DCDC1: variants seen among roughly 807,000 people sequenced by gnomAD.
DCDC1 encodes doublecortin domain-containing protein 1.
In DCDC1, 200 loss-of-function variants were observed where a neutral mutation model predicts 178.3. The ratio of observed to expected loss-of-function variants is 1.12; its 90% CI spans 1.00 to 1.26. The LOEUF (loss-of-function observed/expected upper bound fraction) is 1.26. DCDC1 is among the 50% of genes most tolerant of loss of function. The pLI is 0.00. For missense variants in DCDC1, 1,983 were observed against 1,749.2 expected (o/e 1.13, Z -2.38); for synonymous variants, 690 against 604.8 (o/e 1.14, Z -2.07).
chr11:31,339,710 A>G (rs1950449110), intron 1 of DCDC1, among the ~76,000 whole-genome samples: 1 of 152,250 alleles, frequency 6.6e-6, no homozygotes, highest in South Asian at 2.1e-4. Flanking sequence ...AGATGCCAAG[A>G]ACACATTTGT....
chr11:30,939,732 A>G (rs1480120177), intron 21 of DCDC1, among the ~76,000 whole-genome samples: 1 of 152,140 alleles, frequency 6.6e-6, no homozygotes, highest in Non-Finnish European at 1.5e-5. Context: ...TAGGTACATG[A>G]GCTGAGCAGT....
At chr11:30,993,607 T>A (rs1290466222) in intron 20 of DCDC1, among the ~76,000 whole-genome samples, 1 of 151,870 alleles carries the variant, frequency 6.6e-6, no homozygotes, top group African/African-American at 2.4e-5. Context: ...ATAACTGATA[T>A]CAGAAATGAA....
intron 20 of DCDC1, among the ~76,000 whole-genome samples, chr11:30,987,574 G>T (rs1950725916): frequency 6.6e-6 from 1 of 152,040 alleles, no homozygotes; most frequent in African/African-American, 2.4e-5. Context: ...GGAGTCATCA[G>T]GAAAAACCTC....
intron 34 of DCDC1, among the ~76,000 whole-genome samples, chr11:30,898,906 T>A (rs971466328): frequency 6.6e-6 from 1 of 152,136 alleles, no homozygotes; most frequent in Non-Finnish European, 1.5e-5. Flanking sequence ...GTACATTGTT[T>A]CTCCCCAAAG....
intron 7 of DCDC1, among the ~76,000 whole-genome samples, chr11:31,280,354 T>C (rs1946336925): frequency 6.6e-6 from 1 of 152,246 alleles, no homozygotes; most frequent in Non-Finnish European, 1.5e-5. Flanking sequence ...ATAAAACCAA[T>C]CACCAGTAAG....
At chr11:31,300,015 G>A (rs545234981) in intron 6 of DCDC1, among the ~76,000 whole-genome samples, 111 of 152,142 alleles carry the variant, frequency 7.3e-4, no homozygotes, top group Non-Finnish European at 1.3e-3. Context: ...GCGCCACCAT[G>A]CCCAGCTAAT....
At position 30,904,956 on chromosome 11, in the gene DCDC1, C is replaced by T. The variant is rs1448435412; in HGVS notation, c.4308+5G>A. ...GCAAGCAGCATTTAAGTGATAGCCA[C>T]TTACCATGGGGAATGTTCCAGCCAC... On this transcript the variant is annotated splice_donor_5th_base_variant and intron_variant, in intron 31 of 38. Coordinates refer to ENST00000684477, the MANE Select transcript of DCDC1 (RefSeq NM_001387274.1). 4 of 1,613,702 alleles carry T rather than the reference C, an allele frequency of 2.5e-6. No individual in the cohort carries two copies. Among genetic ancestry groups the T allele is most frequent in the African/African-American group, 1.3e-5 (1 of 75,028 alleles).
At chr11:30,894,811 G>A (rs1426455800) in intron 34 of DCDC1, among the ~76,000 whole-genome samples, 2 of 152,112 alleles carry the variant, frequency 1.3e-5, no homozygotes, top group Non-Finnish European at 2.9e-5. Flanking sequence ...TGGGGATTAA[G>A]TATTTCTAAA....
At chr11:31,077,340 C>T (rs1956926448) in intron 18 of DCDC1, among the ~76,000 whole-genome samples, 1 of 152,120 alleles carries the variant, frequency 6.6e-6, no homozygotes, top group African/African-American at 2.4e-5. Flanking sequence ...TATAGTATTC[C>T]AATGAATACA....
chr11:31,253,993 T>G (rs1340328069), intron 8 of DCDC1, among the ~76,000 whole-genome samples: 1 of 152,156 alleles, frequency 6.6e-6, no homozygotes, highest in South Asian at 2.1e-4. Context: ...CATATGCAAG[T>G]GTAGCTGCAG....
chr11:30,975,638 C>G (rs1460921461), intron 20 of DCDC1, among the ~76,000 whole-genome samples: 1 of 151,714 alleles, frequency 6.6e-6, no homozygotes, highest in Non-Finnish European at 1.5e-5. Flanking sequence ...AATAAAATAC[C>G]TAGCAATAGA....
intron 9 of DCDC1, among the ~76,000 whole-genome samples, chr11:31,206,995 A>G (rs1297844612): frequency 6.6e-6 from 1 of 152,230 alleles, no homozygotes; most frequent in Non-Finnish European, 1.5e-5. Flanking sequence ...AGTTTTGTCT[A>G]TCACTAAAAA....
At chr11:30,981,810 C>G (rs752394183) in intron 20 of DCDC1, among the ~76,000 whole-genome samples, 7 of 151,958 alleles carry the variant, frequency 4.6e-5, no homozygotes, top group Non-Finnish European at 5.9e-5. Context: ...AAGAAAGAAC[C>G]TAATATCCAT....
intron 22 of DCDC1, 25 bp downstream of exon 22, chr11:30,931,746 A>G (rs951598078): frequency 1.9e-6 from 3 of 1,589,226 alleles, no homozygotes; most frequent in African/African-American, 2.7e-5. Flanking sequence ...AGTGTATTTA[A>G]TAAGTATGAA....
rs1957820874 is a variant in DCDC1 at position 31,091,501 on chromosome 11, A to T, written c.2129T>A (p.Ile710Asn). 1 of 752,372 alleles carries T rather than the reference A, an allele frequency of 1.3e-6. No homozygotes were observed. 46.6% of individuals were successfully genotyped at this position (752,372 alleles called of 1,614,324 possible). A position where few individuals can be genotyped will look rare whatever the true frequency, so the allele number is the denominator to read the frequency against. ...SVWLITKTGM[I>N]LSRAITQGCL... ...GCCCTGAGTTATCGCTCGGCTCAGG[A>T]TCATTCCAGTCTTCCAATGAATAGA... Residue 710 changes from isoleucine to asparagine, a missense_variant, in exon 17 of 39, where the codon ATC (isoleucine) becomes AAC (asparagine). By Grantham distance (149) the Ile-to-Asn change is moderately radical (BLOSUM62 -3). Coordinates refer to ENST00000684477, the MANE Select transcript of DCDC1 (RefSeq NM_001387274.1).
At chr11:30,917,557 AT>A (rs1204126300) in intron 25 of DCDC1, among the ~76,000 whole-genome samples, 4 of 152,220 alleles carry the variant, frequency 2.6e-5, no homozygotes, top group Non-Finnish European at 5.9e-5. Flanking sequence ...ATAGAGAATA[AT>A]ATACTAAACA....
rs1240753339 is a variant in DCDC1 at position 31,106,921 on chromosome 11, T to C, written c.1627A>G (p.Ile543Val). 1.3e-6 allele frequency: 1 copy of C among 766,034 alleles called. No individual in the cohort carries two copies. Among genetic ancestry groups the C allele is most frequent in the Non-Finnish European group, 2.4e-6 (1 of 417,778 alleles). 47.5% of individuals were successfully genotyped at this position (766,034 alleles called of 1,614,324 possible). A position where few individuals can be genotyped will look rare whatever the true frequency, so the allele number is the denominator to read the frequency against. ...KIHQRLQGSSINPPGLNYSSM... is the reference protein window; with the variant it reads ...KIHQRLQGSSVNPPGLNYSSM... ...GAATAATTGAGGCCTGGTGGGTTGA[T>C]GGAAGAACCTTGAAGCCTTTGATGA... The change falls in exon 13 of 39, where the codon ATC (isoleucine) becomes GTC (valine). Residue 543 changes from isoleucine to valine, a missense_variant. Physicochemically the swap from Ile to Val is conservative, Grantham distance 29. Transcript: ENST00000684477.
At chr11:31,291,245 A>G (rs1307155241) in intron 6 of DCDC1, among the ~76,000 whole-genome samples, 1 of 151,928 alleles carries the variant, frequency 6.6e-6, no homozygotes, top group African/African-American at 2.4e-5. Context: ...TATGTTCTTT[A>G]GGGTTGGGAA....
intron 1 of DCDC1, among the ~76,000 whole-genome samples, chr11:31,337,154 C>A (rs1228936835): frequency 6.6e-6 from 1 of 152,184 alleles, no homozygotes; most frequent in African/African-American, 2.4e-5. Flanking sequence ...ACCTAAAATA[C>A]ATGGTATTTA....
Sources: gnomAD v4.1 joint callset for allele counts (sites outside exome capture counted in the v4.1 genomes callset) on GRCh38, gnomAD v4.1.1 for gene constraint, MANE v1.5 for transcripts, NCBI Gene and HGNC (gene_info 2026-07-23, HGNC 2026-07-21) for gene names.